Variants in OXCT1 observed in about 807,000 individuals in gnomAD.
OXCT1 encodes succinyl-CoA:3-ketoacid coenzyme A transferase 1, mitochondrial.
Under a neutral mutation model 69.6 loss-of-function variants are expected in OXCT1, and 27 were observed. That is an observed-to-expected ratio of 0.39 (90% CI 0.29 to 0.54). The LOEUF is 0.54. OXCT1 is among the 20% of genes least tolerant of loss of function. The probability of loss-of-function intolerance (pLI) is 0.72; values close to 1 mark genes in which losing one functional copy is unlikely to be tolerated. For missense variants in OXCT1, 437 were observed against 650.2 expected (o/e 0.67, Z 3.57); for synonymous variants, 202 against 217.8 (o/e 0.93, Z 0.64).
At position 41,866,871 on chromosome 5, in the gene OXCT1, G is replaced by A. The variant is rs950277325; in HGVS notation, c.78+3410C>T. Among the ~76,000 whole-genome samples, 4 of 152,210 alleles carry A rather than the reference G, an allele frequency of 2.6e-5. No homozygotes were observed. In the East Asian group the frequency reaches 7.7e-4, roughly 29 times the overall value. ...CTGGTGGACTAGAAAACCAAAGTTT[G>A]CCAGGTGTTAAATACTTGTCAGGAC... On this transcript the variant is annotated intron_variant, in intron 1 of 16. Transcript: ENST00000196371.
At chr5:41,829,030 T>C (rs1747959436) in intron 7 of OXCT1, among the ~76,000 whole-genome samples, 1 of 152,188 alleles carries the variant, frequency 6.6e-6, no homozygotes, top group African/African-American at 2.4e-5. Flanking sequence ...AAAAAAATGT[T>C]CTATACAACA....
chr5:41,818,252 C>T (rs1197261805), intron 7 of OXCT1, among the ~76,000 whole-genome samples: 2 of 152,224 alleles, frequency 1.3e-5, no homozygotes, highest in East Asian at 1.9e-4. Context: ...GAACATTCCA[C>T]TAACCAGGCA....
At chr5:41,739,540 T>C (rs746609108) in intron 15 of OXCT1, 49 bp from the exon 16 acceptor site, 2 of 1,340,426 alleles carry the variant, frequency 1.5e-6, no homozygotes, top group Non-Finnish European at 2.1e-6. Context: ...ATCAAAATAA[T>C]TATTATATGG....
rs575387189 is a variant in OXCT1 at position 41,832,988 on chromosome 5, G to A, written c.732+7463C>T. Among the ~76,000 whole-genome samples the A allele has an allele frequency of 4.6e-5, 7 of 152,154 alleles. No individual in the cohort carries two copies. The South Asian group carries it at 8.3e-4, about 18-fold the overall frequency. On this transcript the variant is annotated intron_variant, in intron 7 of 16. Coordinates refer to ENST00000196371, the MANE Select transcript of OXCT1 (RefSeq NM_000436.4). ...AGACAAAAGAAAAATAAAGAACAAT[G>A]AAGCACACCTACAATATCTAGAAAA... is the stretch of plus-strand genomic sequence containing the variant.
intron 7 of OXCT1, among the ~76,000 whole-genome samples, chr5:41,811,204 A>T (rs1746968786): frequency 6.6e-6 from 1 of 151,982 alleles, no homozygotes; most frequent in Admixed American, 6.6e-5. Context: ...AAATGAGTAA[A>T]ATGAAGAGGA....
At chr5:41,748,466 T>C (rs1430977943) in intron 15 of OXCT1, among the ~76,000 whole-genome samples, 1 of 152,104 alleles carries the variant, frequency 6.6e-6, no homozygotes, top group Non-Finnish European at 1.5e-5. Context: ...TTTAAAGTAA[T>C]GGATTCTTTT....
chr5:41,777,839 G>A (rs750972789), intron 13 of OXCT1, among the ~76,000 whole-genome samples: 4 of 152,196 alleles, frequency 2.6e-5, no homozygotes, highest in South Asian at 2.1e-4. Context: ...ATTCAGGATG[G>A]AATTATGTTA....
In OXCT1 at chr5:41,746,733, A is replaced by G. The variant is rs543622888; in HGVS notation, c.1419+2794T>C. Among the ~76,000 whole-genome samples, 6 of 152,174 alleles carry G rather than the reference A, an allele frequency of 3.9e-5. No homozygotes were observed. In the South Asian group the frequency reaches 1.2e-3, roughly 32 times the overall value. On this transcript the variant is annotated intron_variant, in intron 15 of 16. Coordinates refer to ENST00000196371, the MANE Select transcript of OXCT1 (RefSeq NM_000436.4). ...TGTTTATTGCAATATCTGACTGGGT[A>G]TTCCCAAGAATATCACACTGAGGCT...
At chr5:41,820,921 A>C (rs1747517015) in intron 7 of OXCT1, among the ~76,000 whole-genome samples, 1 of 152,174 alleles carries the variant, frequency 6.6e-6, no homozygotes, top group South Asian at 2.1e-4. Context: ...CACCACCATC[A>C]AGATCCCACA....
intron 3 of OXCT1, among the ~76,000 whole-genome samples, chr5:41,859,864 AATATATATATATATATATATATGTAAT>A (rs1223769040): frequency 1.3e-4 from 16 of 120,130 alleles, no homozygotes; most frequent in Non-Finnish European, 2.3e-4. Context: ...CTAGTATAGT[AATATATATATATATATATATATGTAAT>A]ATATATATAT....
chr5:41,867,366 C>T (rs185808871), intron 1 of OXCT1, among the ~76,000 whole-genome samples: 325 of 152,302 alleles, frequency 2.1e-3, no homozygotes, highest in African/African-American at 7.5e-3. Flanking sequence ...ATGAAACTTA[C>T]AAACTAGCAA....
At chr5:41,813,745 C>G (rs1282681535) in intron 7 of OXCT1, among the ~76,000 whole-genome samples, 3 of 148,226 alleles carry the variant, frequency 2.0e-5, no homozygotes, top group Non-Finnish European at 4.4e-5. Context: ...TTAAATGCCC[C>G]AAGAATGGTA....
At chr5:41,743,690 C>G (rs1170366323) in intron 15 of OXCT1, among the ~76,000 whole-genome samples, 2 of 152,172 alleles carry the variant, frequency 1.3e-5, no homozygotes, top group Non-Finnish European at 2.9e-5. Context: ...TTTCAGCTTT[C>G]TACATATGGC....
chr5:41,851,350 A>G (rs1749164218), intron 4 of OXCT1, among the ~76,000 whole-genome samples: 1 of 152,234 alleles, frequency 6.6e-6, no homozygotes, highest in South Asian at 2.1e-4. Flanking sequence ...CTGATTATCT[A>G]GCCAACGGAA....
intron 16 of OXCT1, among the ~76,000 whole-genome samples, chr5:41,733,446 CATGTTGG>C (rs554264058): frequency 2.7e-3 from 417 of 152,170 alleles, no homozygotes; most frequent in African/African-American, 8.7e-3. Flanking sequence ...GGGGTTTCTC[CATGTTGG>C]TAAGGCTGGT....
intron 13 of OXCT1, among the ~76,000 whole-genome samples, chr5:41,787,546 T>C (rs771262632): frequency 6.8e-6 from 1 of 146,090 alleles, no homozygotes; most frequent in South Asian, 2.1e-4. Context: ...AGGAAGAAGG[T>C]CTCAAGTCTT....
At chr5:41,821,328 A>G (rs1747537411) in intron 7 of OXCT1, among the ~76,000 whole-genome samples, 1 of 152,212 alleles carries the variant, frequency 6.6e-6, no homozygotes, top group South Asian at 2.1e-4. Context: ...TGTTTAGGAA[A>G]AATATGAGAA....
At chr5:41,781,829 C>T (rs970707231) in intron 13 of OXCT1, among the ~76,000 whole-genome samples, 7 of 152,088 alleles carry the variant, frequency 4.6e-5, no homozygotes, top group African/African-American at 1.7e-4. Flanking sequence ...TATATATGTG[C>T]CACATTTTCT....
intron 16 of OXCT1, 90 bp downstream of exon 16, chr5:41,739,300 C>A: frequency 1.1e-6 from 1 of 911,310 alleles, no homozygotes; most frequent in South Asian, 1.3e-5. Context: ...CAAAAATGAT[C>A]ACAAATTAAT....
Sources: allele counts gnomAD v4.1 joint callset (sites outside exome capture counted in the v4.1 genomes callset), GRCh38; gene constraint gnomAD v4.1.1; transcripts MANE v1.5; gene names NCBI Gene and HGNC (gene_info 2026-07-23, HGNC 2026-07-21).